Variants in WNT2B observed in about 807,000 individuals in gnomAD.
WNT2B encodes the protein Wnt family member 2B, also known as protein Wnt-2b.
In WNT2B, 19 loss-of-function variants were observed where a neutral mutation model predicts 40.5. The ratio of observed to expected loss-of-function variants is 0.47; its 90% confidence interval spans 0.33 to 0.69. WNT2B has a LOEUF of 0.69. WNT2B is among the 30% of genes least tolerant of loss of function. The pLI, the probability that WNT2B is intolerant of heterozygous loss-of-function variation, is 0.02. For missense variants in WNT2B, 467 were observed against 556.4 expected, an observed-to-expected ratio of 0.84 and a Z score of 1.62; for synonymous variants, 220 against 211.9, an observed-to-expected ratio of 1.04 and a Z score of -0.33.
In WNT2B at chr1:112,520,981, C is replaced by A; in HGVS notation, c.*472C>A. 1 of 159,960 alleles carries A rather than the reference C, an allele frequency of 6.3e-6. No homozygotes were observed. Among genetic ancestry groups the A allele is most frequent in the South Asian group, 1.9e-4 (1 of 5,354 alleles). The allele number at this position is 159,960 out of a possible 1,614,324, so 9.9% of individuals were successfully genotyped here. On this transcript the variant is annotated 3_prime_UTR_variant, in exon 5 of 5. Coordinates refer to ENST00000369684, the MANE Select transcript of WNT2B (RefSeq NM_024494.3). ...CCGTTTGAGCAGAACTACCTGGTAC[C>A]CCGAAAGAAAATCTTAGGCTACCAC...
In WNT2B at chr1:112,483,223, TATAC is replaced by T. The variant is rs1651287798; in HGVS notation, c.-95+15634_-95+15637del. On this transcript the variant is annotated intron_variant, in intron 1 of 4. Transcript: ENST00000256640. ...ACACACACACACACACACACACACA[TATAC>T]ACACACACACACATTATAGTAATGA... Among the ~76,000 whole-genome samples the T allele has an allele frequency of 1.7e-4, 10 of 58,026 alleles. No homozygotes were observed. In the South Asian group the frequency reaches 2.2e-3, roughly 13 times the overall value. 38.1% of individuals were successfully genotyped at this position (58,026 alleles called of 152,430 possible). A position where few individuals can be genotyped will look rare whatever the true frequency, so the allele number is the denominator to read the frequency against.
intron 1 of WNT2B, among the ~76,000 whole-genome samples, chr1:112,495,503 G>GGC (rs1651736583): frequency 6.6e-6 from 1 of 152,082 alleles, no homozygotes; most frequent in Admixed American, 6.6e-5. Flanking sequence ...GCAGGAGAAT[G>GGC]GCGTGAACCC....
At position 112,509,172 on chromosome 1, in the gene WNT2B, C is replaced by T; in HGVS notation, c.-91C>T. The T allele has an allele frequency of 7.2e-7, 1 of 1,393,930 alleles. No individual in the cohort carries two copies. Among genetic ancestry groups the T allele is most frequent in the Non-Finnish European group, 9.2e-7 (1 of 1,084,388 alleles). 86.3% of individuals were successfully genotyped at this position (1,393,930 alleles called of 1,614,324 possible). A position where few individuals can be genotyped will look rare whatever the true frequency, so the allele number is the denominator to read the frequency against. ...GCCGCCGGCGAACACCATGGCCCCC[C>T]AGGGGGGTGAGGTAGGAGCAGCCTG... On this transcript the variant is annotated 5_prime_UTR_variant, in exon 1 of 5. An upstream open reading frame in the 5' UTR gains an earlier in-frame stop. Coordinates refer to ENST00000369684, the MANE Select transcript of WNT2B (RefSeq NM_024494.3). This position sits in a 1 kb window ranked among gnomAD's most constrained non-coding sequence, Gnocchi z 4.2.
chr1:112,471,958 A>G (rs1336905553), intron 1 of WNT2B, among the ~76,000 whole-genome samples: 1 of 152,242 alleles, frequency 6.6e-6, no homozygotes, highest in Non-Finnish European at 1.5e-5. Flanking sequence ...AGATGTAATC[A>G]AGGAGTATGA....
rs1440541729 is a variant in WNT2B, at chr1:112,527,712, ACTT to A, written c.*7207_*7209del. ...CAGGTCTACTCCTGGTCTCACATCT[ACTT>A]CTTGAAGGTGTCTAAGTAGAATGCA... is the stretch of plus-strand genomic sequence containing the variant. On this transcript the variant is annotated 3_prime_UTR_variant, in exon 5 of 5. Transcript: ENST00000369684. 1 of 152,540 alleles carries A rather than the reference ACTT, an allele frequency of 6.6e-6. No homozygotes were observed. The highest frequency in any genetic ancestry group is 1.5e-5 in the Non-Finnish European group (1 of 68,048). 9.4% of individuals were successfully genotyped at this position (152,540 alleles called of 1,614,324 possible).
chr1:112,468,867 A>G (rs12057895), intron 1 of WNT2B, among the ~76,000 whole-genome samples: 2,488 of 152,246 alleles, frequency 0.016, 81 homozygotes, highest in African/African-American at 0.057. Context: ...TCTTGGCCAT[A>G]AAATCTTTGC....
At position 112,528,776 on chromosome 1, in the gene WNT2B, T is replaced by C. The variant is rs891670821; in HGVS notation, c.*8267T>C. 1 of 152,214 alleles carries C rather than the reference T, an allele frequency of 6.6e-6. No homozygotes were observed. Among genetic ancestry groups the C allele is most frequent in the Non-Finnish European group, 1.5e-5 (1 of 68,030 alleles). 9.4% of individuals were successfully genotyped at this position (152,214 alleles called of 1,614,324 possible). A position where few individuals can be genotyped will look rare whatever the true frequency, so the allele number is the denominator to read the frequency against. ...CTGGTCCTACATATTCTACTTGGTATATTGAATTTTTGCAGCTAGCAGATT... is the reference window on the plus strand; with the variant it reads ...CTGGTCCTACATATTCTACTTGGTACATTGAATTTTTGCAGCTAGCAGATT... On this transcript the variant is annotated 3_prime_UTR_variant, in exon 5 of 5. Transcript: ENST00000369684.
In WNT2B at chr1:112,509,498, G is replaced by C. The variant is rs1557919060; in HGVS notation, c.182+54G>C. ...GAGGCGCTTGGTAGGAGAGGCCGGA[G>C]GCGCCTGGAGGGACTGGCTGCTCAC... is the stretch of plus-strand genomic sequence containing the variant. On this transcript the variant is annotated intron_variant, in intron 1 of 4. Transcript: ENST00000369684. This position sits in a 1 kb window ranked among gnomAD's most constrained non-coding sequence, Gnocchi z 4.2. 15 of 1,507,222 alleles carry C rather than the reference G, an allele frequency of 1.0e-5. No individual in the cohort carries two copies. The highest frequency in any genetic ancestry group is 1.2e-5 in the Non-Finnish European group (14 of 1,145,616). The allele number at this position is 1,507,222 out of a possible 1,614,324, so 93.4% of individuals were successfully genotyped here. A position where few individuals can be genotyped will look rare whatever the true frequency, so the allele number is the denominator to read the frequency against.
intron 4 of WNT2B, among the ~76,000 whole-genome samples, chr1:112,519,400 C>T (rs998137704): frequency 1.3e-5 from 2 of 152,120 alleles, no homozygotes; most frequent in Non-Finnish European, 2.9e-5. Flanking sequence ...CCGTTTTGAA[C>T]CTAGGCTAGT....
At chr1:112,490,077 C>T (rs969953713) in intron 1 of WNT2B, among the ~76,000 whole-genome samples, 1 of 152,036 alleles carries the variant, frequency 6.6e-6, no homozygotes, top group Non-Finnish European at 1.5e-5. Flanking sequence ...GAGTGGATGC[C>T]TATTACCAGG....
intron 1 of WNT2B, among the ~76,000 whole-genome samples, chr1:112,496,605 G>GT (rs71584741): frequency 0.39 from 57,158 of 145,432 alleles, 12,209 homozygotes; most frequent in South Asian, 0.56. Flanking sequence ...TTTCTTTTTT[G>GT]TTTTTTTTTT....
At chr1:112,475,718 G>T (rs534294289) in intron 1 of WNT2B, among the ~76,000 whole-genome samples, 2 of 151,870 alleles carry the variant, frequency 1.3e-5, no homozygotes, top group East Asian at 3.9e-4. Flanking sequence ...AGGCAACAAA[G>T]AAGATAAAAA....
intron 1 of WNT2B, among the ~76,000 whole-genome samples, chr1:112,486,076 G>T (rs937883150): frequency 6.6e-6 from 1 of 151,522 alleles, no homozygotes; most frequent in Admixed American, 6.6e-5. Context: ...GGAAGGCTGG[G>T]AGGATTGCTT....
In WNT2B at chr1:112,525,482, A is replaced by G. The variant is rs1247974367; in HGVS notation, c.*4973A>G. 1 of 151,920 alleles carries G rather than the reference A, an allele frequency of 6.6e-6. No individual in the cohort carries two copies. The highest frequency in any genetic ancestry group is 1.5e-5 in the Non-Finnish European group (1 of 68,354). The allele number at this position is 151,920 out of a possible 1,614,324, so 9.4% of individuals were successfully genotyped here. On this transcript the variant is annotated 3_prime_UTR_variant, in exon 5 of 5. Coordinates refer to ENST00000369684, the MANE Select transcript of WNT2B (RefSeq NM_024494.3). The stretch of plus-strand genomic sequence containing the variant: ...AGGGCGTTGACAAACTCATTTTCCC[A>G]CTTCCCACTCATGGCTTATATTATC...
In WNT2B at chr1:112,474,035, G is replaced by A. The variant is rs549962404; in HGVS notation, c.-95+6444G>A. On this transcript the variant is annotated intron_variant, in intron 1 of 4. Transcript: ENST00000256640. ...AGCCAAGATAGGGCCACTGCACTCC[G>A]GCCTGGGTGACAGAGAGAGACTCTG... Among the ~76,000 whole-genome samples the A allele has an allele frequency of 5.7e-4, 81 of 141,068 alleles. 1 individual carries two copies. Among genetic ancestry groups the A allele is most frequent in the Admixed American group, 3.0e-3 (41 of 13,778 alleles). 92.5% of individuals were successfully genotyped at this position (141,068 alleles called of 152,430 possible). A position where few individuals can be genotyped will look rare whatever the true frequency, so the allele number is the denominator to read the frequency against.
intron 1 of WNT2B, among the ~76,000 whole-genome samples, chr1:112,500,667 G>A (rs1366744073): frequency 2.0e-5 from 3 of 152,098 alleles, no homozygotes; most frequent in African/African-American, 7.2e-5. Context: ...AGCTAATCGG[G>A]AGACTGAGGA....
At chr1:112,518,844 C>G (rs1405971635) in intron 4 of WNT2B, among the ~76,000 whole-genome samples, 2 of 152,190 alleles carry the variant, frequency 1.3e-5, no homozygotes, top group African/African-American at 4.8e-5. Context: ...CCCTCCAAAG[C>G]AATAGAGTCC....
intron 1 of WNT2B, among the ~76,000 whole-genome samples, chr1:112,514,454 T>C (rs1251303439): frequency 6.6e-6 from 1 of 152,214 alleles, no homozygotes; most frequent in Non-Finnish European, 1.5e-5. Flanking sequence ...ATGCGGGACA[T>C]CCCTCTTAAT....
At chr1:112,513,439 C>T (rs934408056) in intron 1 of WNT2B, among the ~76,000 whole-genome samples, 2 of 151,936 alleles carry the variant, frequency 1.3e-5, no homozygotes, top group African/African-American at 4.8e-5. Context: ...CCCATCAGCC[C>T]TGCTGAGTTC....
Sources: allele counts gnomAD v4.1 joint callset (sites outside exome capture counted in the v4.1 genomes callset), GRCh38; gene constraint gnomAD v4.1.1; non-coding constraint Gnocchi (gnomAD v3.1); transcripts MANE v1.5; gene names NCBI Gene and HGNC (gene_info 2026-07-23, HGNC 2026-07-21).